IGF1: variants seen among roughly 807,000 people sequenced by gnomAD.
The protein encoded by IGF1 is insulin like growth factor 1.
In IGF1, 4 loss-of-function variants were observed where a neutral mutation model predicts 13.8. That is an observed-to-expected ratio of 0.29 (90% CI 0.14 to 0.66). The LOEUF is 0.66. Ranked by LOEUF, IGF1 falls within the 30% of genes least tolerant of loss-of-function variation. The pLI, the probability that IGF1 is intolerant of heterozygous loss-of-function variation, is 0.78. For missense variants in IGF1, 124 were observed against 188.5 expected (o/e 0.66, Z 2.00); for synonymous variants, 76 against 72.6 (o/e 1.05, Z -0.23).
chr12:102,456,801 T>A (rs17032577), intron 2 of IGF1, among the ~76,000 whole-genome samples: 2 of 152,204 alleles, frequency 1.3e-5, no homozygotes, highest in South Asian at 2.1e-4. Flanking sequence ...CAAAAAGGAA[T>A]GACAGTCCCC....
In IGF1 at chr12:102,441,903, A is replaced by ACTG. The variant is rs142314979; in HGVS notation, c.221-22216_221-22214dup. Among the ~76,000 whole-genome samples, 110 of 27,340 alleles carry ACTG rather than the reference A, an allele frequency of 4.0e-3. 3 individuals are homozygous for ACTG. The highest frequency in any genetic ancestry group is 0.019 in the Middle Eastern group (1 of 54). The allele number at this position is 27,340 out of a possible 152,430, so 17.9% of individuals were successfully genotyped here. On this transcript the variant is annotated intron_variant, in intron 2 of 3. Transcript: ENST00000337514. ...TCTGAGCACTAAGTCATTCTATTACACTGCTTCTTCTCCTTCTTCTTCTTC... is the reference window on the plus strand; with the variant it reads ...TCTGAGCACTAAGTCATTCTATTACACTGCTGCTTCTTCTCCTTCTTCTTCTTC...
intron 2 of IGF1, among the ~76,000 whole-genome samples, chr12:102,450,733 C>A (rs1878848404): frequency 6.6e-6 from 1 of 152,192 alleles, no homozygotes; most frequent in Admixed American, 6.5e-5. Flanking sequence ...TGCTGTTTGT[C>A]AATACAATAA....
Position 102,425,619 on chromosome 12 carries a change from A to C in IGF1, c.221-5929T>G, listed in dbSNP as rs17880891. Among the ~76,000 whole-genome samples the C allele has an allele frequency of 2.2e-3, 338 of 152,346 alleles. 4 individuals are homozygous for C. Among genetic ancestry groups the C allele is most frequent in the African/African-American group, 7.6e-3 (316 of 41,572 alleles). ...TCCTTTCTTTTGGAAGCCCAAGTCAAGAGCAGGTGTGAAAAGAATGCTATT... is the reference window on the plus strand; with the variant it reads ...TCCTTTCTTTTGGAAGCCCAAGTCACGAGCAGGTGTGAAAAGAATGCTATT... On this transcript the variant is annotated intron_variant, in intron 2 of 3. Transcript: ENST00000337514.
At chr12:102,457,997 A>G (rs532676364) in intron 2 of IGF1, among the ~76,000 whole-genome samples, 1 of 152,302 alleles carries the variant, frequency 6.6e-6, no homozygotes, top group South Asian at 2.1e-4. Flanking sequence ...ATGACATTGA[A>G]AAATAATGAC....
At chr12:102,474,566 A>G (rs1880895421) in intron 2 of IGF1, among the ~76,000 whole-genome samples, 1 of 152,152 alleles carries the variant, frequency 6.6e-6, no homozygotes, top group East Asian at 1.9e-4. Context: ...AGAGGCTGAC[A>G]TTTGGGAAGG....
intron 2 of IGF1, chr12:102,462,708 A>T (rs1880007997): frequency 6.6e-6 from 1 of 152,166 alleles, no homozygotes. Context: ...ATTCATCCTC[A>T]AATATCTGTT....
intron 1 of IGF1, among the ~76,000 whole-genome samples, chr12:102,476,410 TGAGAGA>T (rs36047405): frequency 4.7e-4 from 66 of 139,124 alleles, no homozygotes; most frequent in Admixed American, 1.1e-3. Flanking sequence ...TTCCTCAATA[TGAGAGA>T]GAGAGAGAGA....
chr12:102,466,644 G>A (rs1046339611), intron 2 of IGF1, among the ~76,000 whole-genome samples: 1 of 152,178 alleles, frequency 6.6e-6, no homozygotes, highest in African/African-American at 2.4e-5. Flanking sequence ...GCTCATGACT[G>A]TAAATCCAGC....
chr12:102,471,105 A>C (rs899142923), intron 2 of IGF1, among the ~76,000 whole-genome samples: 1 of 152,198 alleles, frequency 6.6e-6, no homozygotes, highest in Non-Finnish European at 1.5e-5. Flanking sequence ...ATCCAGCTTA[A>C]AGCAAAACAA....
intron 2 of IGF1, among the ~76,000 whole-genome samples, chr12:102,446,087 G>C (rs1057215586): frequency 1.3e-5 from 2 of 151,508 alleles, no homozygotes; most frequent in Non-Finnish European, 3.0e-5. Context: ...TGATCGTCGT[G>C]GATAAGCTTT....
intron 2 of IGF1, among the ~76,000 whole-genome samples, chr12:102,455,126 C>G (rs1565995522): frequency 6.6e-6 from 1 of 152,168 alleles, no homozygotes; most frequent in Non-Finnish European, 1.5e-5. Context: ...TTTGCAAGAT[C>G]CAAATGTATT....
chr12:102,450,578 A>G (rs1238670308), intron 2 of IGF1, among the ~76,000 whole-genome samples: 2 of 152,236 alleles, frequency 1.3e-5, no homozygotes, highest in Non-Finnish European at 2.9e-5. Context: ...TAAGGCCTTC[A>G]TCATCTAATC....
At chr12:102,467,986 C>T (rs74658525) in intron 2 of IGF1, among the ~76,000 whole-genome samples, 5,078 of 152,208 alleles carry the variant, frequency 0.033, 314 homozygotes, top group East Asian at 0.28. Context: ...GACTAGATTG[C>T]ATAATATTGA....
rs939068049 is a variant in IGF1, at chr12:102,477,994, T to C, written c.64-2195A>G. Reference sequence around the variant, plus strand: ...GATTTTTTTTAAATAGATTTCTCTTTTTCTTTTTTTTTTTTTTTGCTGAGT... The same window carrying C: ...GATTTTTTTTAAATAGATTTCTCTTCTTCTTTTTTTTTTTTTTTGCTGAGT... On this transcript the variant is annotated intron_variant, in intron 1 of 3. Transcript: ENST00000337514. 5.3e-5 allele frequency among the ~76,000 whole-genome samples: 5 copies of C among 95,176 alleles called. No individual in the cohort carries two copies. The Admixed American group carries it at 6.3e-4, about 12-fold the overall frequency. 62.4% of individuals were successfully genotyped at this position (95,176 alleles called of 152,430 possible).
upstream of IGF1, chr12:102,481,783 T>C (rs1357296465): frequency 6.6e-6 from 1 of 151,884 alleles, no homozygotes; most frequent in African/African-American, 2.4e-5. Flanking sequence ...TTCTTTTTTT[T>C]TTTTTCCACA....
intron 1 of IGF1, among the ~76,000 whole-genome samples, chr12:102,476,913 G>A (rs1234273353): frequency 1.3e-5 from 2 of 152,286 alleles, no homozygotes; most frequent in South Asian, 2.1e-4. Context: ...GTGGCACAAA[G>A]ATGTGGCTTT....
At chr12:102,416,429 C>A (rs1875147272) in intron 3 of IGF1, among the ~76,000 whole-genome samples, 1 of 152,202 alleles carries the variant, frequency 6.6e-6, no homozygotes, top group African/African-American at 2.4e-5. Flanking sequence ...GGAAATCCAG[C>A]ACTTTTGCTC....
intron 3 of IGF1, chr12:102,417,730 T>C: frequency 6.4e-7 from 1 of 1,567,208 alleles, no homozygotes; most frequent in South Asian, 1.2e-5. Context: ...CTTTTCTTCA[T>C]TTCCTCTATT....
chr12:102,418,111 A>G (rs2136994514), intron 3 of IGF1: 1 of 1,194,826 alleles, frequency 8.4e-7, no homozygotes, highest in Non-Finnish European at 1.2e-6. Context: ...GACAGCACTC[A>G]TGCTGGAGAG....
Sources: allele counts gnomAD v4.1 joint callset (sites outside exome capture counted in the v4.1 genomes callset), GRCh38; gene constraint gnomAD v4.1.1; transcripts MANE v1.5; gene names NCBI Gene and HGNC (gene_info 2026-07-23, HGNC 2026-07-21).